MGAM: variants seen among roughly 807,000 people sequenced by gnomAD.
MGAM encodes alpha-1,4-glucosidase.
A neutral mutation model predicts 358.8 loss-of-function variants in MGAM; 253 were observed. The ratio of observed to expected loss-of-function variants is 0.71; its 90% CI spans 0.64 to 0.78. The LOEUF (loss-of-function observed/expected upper bound fraction) is 0.78, where lower values mean the gene tolerates loss of function less well. Ranked by LOEUF, MGAM falls within the 30% of genes least tolerant of loss-of-function variation. The probability of loss-of-function intolerance (pLI) is 0.00; values close to 1 mark genes in which losing one functional copy is unlikely to be tolerated. For missense variants in MGAM, 3,080 were observed against 3,432.6 expected (o/e 0.90, Z 2.57); for synonymous variants, 1,105 against 1,227.1 (o/e 0.90, Z 2.08).
At position 142,102,440 on chromosome 7, in the gene MGAM, G is replaced by T. The variant is rs1404255216; in HGVS notation, c.7964-190G>T. ...TGTGTAAACTGAGTGTGGGTGCAGG[G>T]TTTGATTAGTCTCCATAAAGAGCAC... is the stretch of plus-strand genomic sequence containing the variant. On this transcript the variant is annotated intron_variant, in intron 68 of 70. Coordinates refer to ENST00000475668, the MANE Select transcript of MGAM (RefSeq NM_001365693.1). Among the ~76,000 whole-genome samples, 4 of 152,278 alleles carry T rather than the reference G, an allele frequency of 2.6e-5. 1 individual carries two copies. Among genetic ancestry groups the T allele is most frequent in the Middle Eastern group, 6.8e-3 (2 of 294 alleles).
At position 142,065,455 on chromosome 7, in the gene MGAM, G is replaced by A. The variant is rs1585044616; in HGVS notation, c.4605G>A (p.Lys1535=). The change falls in exon 38 of 71, where the codon AAG becomes AAA. Residue 1535 remains lysine (K), a synonymous_variant. Coordinates refer to ENST00000475668, the MANE Select transcript of MGAM (RefSeq NM_001365693.1). The stretch of plus-strand genomic sequence containing the variant: ...ACACGGCCGCATGGGATCAGCTGAA[G>A]AAGTCTATCATTGGTGCGTGGGTCC... The part of the protein sequence containing the change: ...GDNTAAWDQL[K]KSIIGMMEFS... 1 of 1,611,384 alleles carries A rather than the reference G, an allele frequency of 6.2e-7. No individual in the cohort carries two copies.
intron 45 of MGAM, 49 bp downstream of exon 45, chr7:142,074,222 C>G (rs756321231): frequency 7.2e-6 from 9 of 1,251,410 alleles, no homozygotes; most frequent in Middle Eastern, 1.8e-4. Flanking sequence ...GCGCCTGTGA[C>G]TTATGGTCCT....
intron 3 of MGAM, among the ~76,000 whole-genome samples, chr7:142,011,678 A>G (rs573116869): frequency 7.9e-5 from 12 of 152,314 alleles, no homozygotes; most frequent in Admixed American, 3.3e-4. Context: ...TCAGCTAAAC[A>G]TACTCATTAA....
At chr7:142,025,189 T>C (rs1554460438) in intron 8 of MGAM, 40 bp downstream of exon 8, 1 of 1,435,652 alleles carries the variant, frequency 7.0e-7, no homozygotes, top group Non-Finnish European at 9.8e-7. Flanking sequence ...ACAAGAGTGA[T>C]TTTCAGTCCC....
chr7:142,092,681 CA>C lies in MGAM; in HGVS notation c.7033+74del. ...GGATTACACTGGAGGAGCCCGAGGC[CA>C]GGGGTGGCCGCACAGCTCAGGGCAC... is the stretch of plus-strand genomic sequence containing the variant. On this transcript the variant is annotated intron_variant, in intron 59 of 70. Transcript: ENST00000475668. The C allele has an allele frequency of 2.3e-6, 3 of 1,332,150 alleles. 1 individual carries two copies. Among genetic ancestry groups the C allele is most frequent in the South Asian group, 1.3e-5 (1 of 78,754 alleles). 82.5% of individuals were successfully genotyped at this position (1,332,150 alleles called of 1,614,324 possible). A position where few individuals can be genotyped will look rare whatever the true frequency, so the allele number is the denominator to read the frequency against.
In MGAM at chr7:142,056,039, G is replaced by C; in HGVS notation, c.3523G>C (p.Gly1175Arg). Residue 1175 changes from glycine to arginine, a missense_variant, in exon 29 of 71, where the codon GGG (glycine) becomes CGG (arginine). By Grantham distance (125) the Gly-to-Arg change is moderately radical. This residue lies in a region of MGAM where 1,816 missense variants were observed against 1,840.5 expected (regional missense o/e 0.99). Transcript: ENST00000475668. ...NSYGVHPYYM[G>R]LEEDGSAHGV... ...CTATGGTGTCCACCCCTACTACATG[G>C]GGCTGGAGGAGGACGGCAGTGCCCA... The C allele has an allele frequency of 6.2e-7, 1 of 1,612,074 alleles. No individual in the cohort carries two copies. Among genetic ancestry groups the C allele is most frequent in the African/African-American group, 1.3e-5 (1 of 75,004 alleles).
At chr7:141,987,183 G>C (rs1803748508) in intron 2 of MGAM, among the ~76,000 whole-genome samples, 1 of 152,190 alleles carries the variant, frequency 6.6e-6, no homozygotes, top group Admixed American at 6.5e-5. Context: ...AGTAAAGGTA[G>C]TGTTTTGATG....
chr7:142,060,257 C>G, intron 33 of MGAM, 54 bp from the exon 34 acceptor site: 1 of 1,591,082 alleles, frequency 6.3e-7, no homozygotes, highest in Non-Finnish European at 8.6e-7. Flanking sequence ...TTAGGAAATA[C>G]TATGTAAGGG....
intron 16 of MGAM, among the ~76,000 whole-genome samples, chr7:142,035,517 C>A (rs577719183): frequency 2.9e-4 from 44 of 152,264 alleles, no homozygotes; most frequent in African/African-American, 1.0e-3. Context: ...GTCAAGGACA[C>A]TTCATGGAAA....
chr7:142,104,023 T>TAG (rs1816647425), intron 70 of MGAM, among the ~76,000 whole-genome samples: 1 of 152,140 alleles, frequency 6.6e-6, no homozygotes, highest in Non-Finnish European at 1.5e-5. Flanking sequence ...CGGCTAATTT[T>TAG]TTGTATTTTT....
chr7:141,992,198 TCA>T (rs1803977270), upstream of MGAM, among the ~76,000 whole-genome samples: 1 of 152,334 alleles, frequency 6.6e-6, no homozygotes, highest in Middle Eastern at 3.4e-3. Context: ...AGTCTTTTAC[TCA>T]CATTATTTTG....
At chr7:141,987,422 A>G (rs1322610176) in intron 2 of MGAM, among the ~76,000 whole-genome samples, 22 of 152,214 alleles carry the variant, frequency 1.4e-4, no homozygotes, top group African/African-American at 5.3e-4. Flanking sequence ...GTGCTCACTC[A>G]GTGCAGTATG....
In MGAM at chr7:142,038,604, G is replaced by A; in HGVS notation, c.2305G>A (p.Val769Ile). 6.2e-7 allele frequency: 1 copy of A among 1,608,952 alleles called. No homozygotes were observed. Among genetic ancestry groups the A allele is most frequent in the Non-Finnish European group, 8.5e-7 (1 of 1,177,414 alleles). ...GGGGCCCGGCCTCCTCATCACTCCAGTTCTGGATGAAGTAAGTGTTCCCAC... is the reference window on the plus strand; with the variant it reads ...GGGGCCCGGCCTCCTCATCACTCCAATTCTGGATGAAGTAAGTGTTCCCAC... ...LWGPGLLITPVLDEGAEKVMA... is the reference protein window; with the variant it reads ...LWGPGLLITPILDEGAEKVMA... Residue 769 changes from valine (V) to isoleucine (I), a missense_variant, in exon 19 of 71, where the codon GTT (valine) becomes ATT (isoleucine). Physicochemically the swap from Val to Ile is conservative, Grantham distance 29 (BLOSUM62 3). Transcript: ENST00000475668.
intron 2 of MGAM, among the ~76,000 whole-genome samples, chr7:141,988,020 G>C (rs1554446555): frequency 6.6e-6 from 1 of 152,182 alleles, no homozygotes; most frequent in Non-Finnish European, 1.5e-5. Context: ...GGGCGTGGTG[G>C]CTCATGCCTT....
chr7:142,008,729 CA>C, intron 3 of MGAM, 24 bp downstream of exon 3: 1 of 1,600,094 alleles, frequency 6.2e-7, no homozygotes, highest in Non-Finnish European at 8.5e-7. Context: ...ATTTTGTTTC[CA>C]TTTTAGAATT....
chr7:142,029,599 A>G (rs1807278697), intron 10 of MGAM, among the ~76,000 whole-genome samples: 1 of 152,202 alleles, frequency 6.6e-6, no homozygotes, highest in Non-Finnish European at 1.5e-5. Flanking sequence ...AGGGAATTGA[A>G]CACTATTACC....
At chr7:142,089,916 T>C (rs1815206839) in intron 57 of MGAM, among the ~76,000 whole-genome samples, 1 of 146,640 alleles carries the variant, frequency 6.8e-6, no homozygotes, top group African/African-American at 2.4e-5. Context: ...AAGCCACTGA[T>C]GTCCAGGTCT....
intron 34 of MGAM, among the ~76,000 whole-genome samples, chr7:142,060,822 C>G (rs1221900798): frequency 2.0e-5 from 3 of 151,930 alleles, no homozygotes; most frequent in Non-Finnish European, 1.5e-5. Flanking sequence ...GTATATCTTT[C>G]TTTTTTTCCC....
Position 142,058,199 on chromosome 7 carries a change from C to T in MGAM, c.3694-4C>T, listed in dbSNP as rs1416803007. On this transcript the variant is annotated splice_region_variant and splice_polypyrimidine_tract_variant and intron_variant, in intron 30 of 70. Transcript: ENST00000475668. ...AAGACTAATATTTTCTGTCTATTTT[C>T]TAGTTGATTGGCCGGCCTGTGATGG... The T allele has an allele frequency of 6.2e-7, 1 of 1,613,702 alleles. No individual in the cohort carries two copies. Among genetic ancestry groups the T allele is most frequent in the East Asian group, 2.2e-5 (1 of 44,884 alleles).
Sources: allele counts gnomAD v4.1 joint callset (sites outside exome capture counted in the v4.1 genomes callset), GRCh38; gene constraint gnomAD v4.1.1; regional missense constraint gnomAD v4.1.1; transcripts MANE v1.5; gene names NCBI Gene and HGNC (gene_info 2026-07-23, HGNC 2026-07-21).